Variants in SATL1 observed in about 807,000 individuals in gnomAD.
SATL1 encodes the protein spermidine/spermine N1-acetyl transferase like 1, also known as spermidine/spermine N(1)-acetyltransferase-like protein 1.
A neutral mutation model predicts 51.8 loss-of-function variants in SATL1; 47 were observed. The observed-to-expected ratio is 0.91, with a 90% CI of 0.72 to 1.16. The LOEUF (loss-of-function observed/expected upper bound fraction) is 1.16, where lower values mean the gene tolerates loss of function less well. Ranked by LOEUF, SATL1 falls within the 50% of genes most tolerant of loss-of-function variation. The pLI is 0.00. For missense variants in SATL1, 520 were observed against 526.4 expected (o/e 0.99, Z 0.12); for synonymous variants, 176 against 182.4 (o/e 0.97, Z 0.28).
intron 2 of SATL1, among the ~76,000 whole-genome samples, chrX:85,187,405 A>T (rs900565333): frequency 9.0e-6 from 1 of 111,404 alleles, no homozygotes; most frequent in Non-Finnish European, 1.9e-5. Context: ...ACCTTGTTCT[A>T]GTTCTTAGAG....
At chrX:85,133,961 T>C (rs986248533) in intron 2 of SATL1, among the ~76,000 whole-genome samples, 3 of 112,143 alleles carry the variant, frequency 2.7e-5, no homozygotes, top group Non-Finnish European at 5.6e-5. Context: ...AATTTCTTTC[T>C]TTTCATTGTT....
Position 85,098,751 on chromosome X carries a change from G to C in SATL1, c.1694-3755C>G, listed in dbSNP as rs1200253998. Among the ~76,000 whole-genome samples, 4 of 111,552 alleles carry C rather than the reference G, an allele frequency of 3.6e-5. No individual in the cohort carries two copies. In the Admixed American group the frequency reaches 3.8e-4, roughly 11 times the overall value. ...TATAAGGGAAATAGGAAAACACTTA[G>C]AGATATGAACGAAAATGAAAACACA... is the stretch of plus-strand genomic sequence containing the variant. On this transcript the variant is annotated intron_variant, in intron 4 of 7. Transcript: ENST00000644105.
At chrX:85,133,056 T>C (rs1211001693) in intron 2 of SATL1, among the ~76,000 whole-genome samples, 1 of 111,466 alleles carries the variant, frequency 9.0e-6, no homozygotes, top group Admixed American at 9.5e-5. Context: ...CCCAGCTGTA[T>C]GAGGTGTCAG....
intron 2 of SATL1, among the ~76,000 whole-genome samples, chrX:85,159,881 T>C (rs1472796251): frequency 9.0e-6 from 1 of 111,376 alleles, no homozygotes; most frequent in Non-Finnish European, 1.9e-5. Context: ...TGAACAAGGA[T>C]GGATCCTGCT....
At chrX:85,157,354 A>C (rs970498754) in intron 2 of SATL1, among the ~76,000 whole-genome samples, 2 of 111,339 alleles carry the variant, frequency 1.8e-5, no homozygotes, top group Non-Finnish European at 3.8e-5. Context: ...GTATTTTTCA[A>C]AAAAGAAGGT....
chrX:85,192,025 C>T (rs1291100683), intron 2 of SATL1, among the ~76,000 whole-genome samples: 1 of 112,048 alleles, frequency 8.9e-6, no homozygotes, highest in African/African-American at 3.2e-5. Flanking sequence ...TTCTCTGTTC[C>T]TCACTTGGTG....
intron 2 of SATL1, among the ~76,000 whole-genome samples, chrX:85,179,462 C>T (rs1927154579): frequency 9.0e-6 from 1 of 111,677 alleles, no homozygotes. Flanking sequence ...AGAAATCGTT[C>T]AGTGATCTTG....
chrX:85,199,086 G>A (rs978750088), intron 2 of SATL1, among the ~76,000 whole-genome samples: 1 of 109,752 alleles, frequency 9.1e-6, no homozygotes, highest in African/African-American at 3.3e-5. Context: ...ACATTAGCCC[G>A]CCTCAGCCTC....
At chrX:85,195,028 A>G (rs1474405935) in intron 2 of SATL1, among the ~76,000 whole-genome samples, 2 of 109,796 alleles carry the variant, frequency 1.8e-5, no homozygotes, top group Non-Finnish European at 3.8e-5. Context: ...GTATATATAT[A>G]TATATATACA....
At chrX:85,188,713 AT>A (rs769799593) in intron 2 of SATL1, among the ~76,000 whole-genome samples, 173 of 112,350 alleles carry the variant, frequency 1.5e-3, no homozygotes, top group African/African-American at 5.4e-3. Context: ...TTTGCAAAAA[AT>A]ATCTTCATTA....
chrX:85,234,241 A>G (rs1387109586), intron 1 of SATL1, among the ~76,000 whole-genome samples: 1 of 111,840 alleles, frequency 8.9e-6, no homozygotes, highest in African/African-American at 3.2e-5. Context: ...GACTTTCCAG[A>G]CCAACAAAAG....
chrX:85,138,797 A>T (rs1026071093), intron 2 of SATL1, among the ~76,000 whole-genome samples: 4 of 110,998 alleles, frequency 3.6e-5, no homozygotes, highest in African/African-American at 6.6e-5. Context: ...TATGGGGCAA[A>T]TATTTTTTGT....
At chrX:85,167,961 A>C (rs1384782488) in intron 2 of SATL1, among the ~76,000 whole-genome samples, 1 of 110,994 alleles carries the variant, frequency 9.0e-6, no homozygotes, top group Non-Finnish European at 1.9e-5. Context: ...CCTGGGATGC[A>C]AGATTGGTTC....
chrX:85,180,885 T>C (rs925794551), intron 2 of SATL1, among the ~76,000 whole-genome samples: 1 of 110,665 alleles, frequency 9.0e-6, no homozygotes, highest in African/African-American at 3.3e-5. Context: ...TTCAAAAATG[T>C]TATATATATT....
intron 2 of SATL1, among the ~76,000 whole-genome samples, chrX:85,136,482 A>G (rs781322098): frequency 2.7e-5 from 3 of 112,036 alleles, no homozygotes; most frequent in Non-Finnish European, 5.6e-5. Context: ...GGTATGGGGA[A>G]AGTCTGGAAG....
At chrX:85,104,107 T>C (rs1294796448) in intron 3 of SATL1, among the ~76,000 whole-genome samples, 192 bp from the exon 4 acceptor site, 1 of 111,739 alleles carries the variant, frequency 8.9e-6, no homozygotes, top group East Asian at 2.8e-4. Context: ...TGTATAAATA[T>C]TATTAAAGAG....
At chrX:85,196,676 A>C (rs902879322) in intron 2 of SATL1, among the ~76,000 whole-genome samples, 20 of 112,004 alleles carry the variant, frequency 1.8e-4, no homozygotes, top group African/African-American at 6.1e-4. Context: ...TGAGAGTTCA[A>C]AAATAAACCC....
chrX:85,146,057 C>T (rs970638221), intron 2 of SATL1, among the ~76,000 whole-genome samples: 16 of 110,149 alleles, frequency 1.5e-4, no homozygotes, highest in South Asian at 4.0e-4. Context: ...CCACCACGCC[C>T]GGCAATTTTT....
intron 1 of SATL1, among the ~76,000 whole-genome samples, chrX:85,239,308 C>T (rs750719473): frequency 1.9e-4 from 21 of 110,673 alleles, no homozygotes; most frequent in African/African-American, 3.9e-4. Context: ...TGGTACAAAC[C>T]TAACAAAGCA....
Sources: allele counts gnomAD v4.1 joint callset (sites outside exome capture counted in the v4.1 genomes callset), GRCh38; gene constraint gnomAD v4.1.1; transcripts MANE v1.5; gene names NCBI Gene and HGNC (gene_info 2026-07-23, HGNC 2026-07-21).